Variants in TNNI3K observed in about 807,000 individuals in gnomAD.
TNNI3K encodes the protein serine/threonine-protein kinase TNNI3K.
Under a neutral mutation model 114.5 loss-of-function variants are expected in TNNI3K, and 140 were observed. The observed-to-expected ratio is 1.22, with a 90% CI of 1.07 to 1.41. The LOEUF (loss-of-function observed/expected upper bound fraction) is 1.41, where lower values mean the gene tolerates loss of function less well. Among genes scored for constraint, TNNI3K ranks in the 40% most tolerant of loss-of-function variants. TNNI3K has a pLI of 0.00. For synonymous variants in TNNI3K, 347 were observed against 347.5 expected, an observed-to-expected ratio of 1.00 and a Z score of 0.02; for missense variants, 1,125 against 1,007.6, an observed-to-expected ratio of 1.12 and a Z score of -1.58.
chr1:74,480,989 A>T (rs746950236), intron 21 of TNNI3K: 1 of 693,932 alleles, frequency 1.4e-6, no homozygotes, highest in South Asian at 1.6e-5. Flanking sequence ...AAAAGCACAG[A>T]CTAGATGCAG....
At chr1:74,348,345 C>T (rs1326556536) in intron 9 of TNNI3K, among the ~76,000 whole-genome samples, 2 of 152,136 alleles carry the variant, frequency 1.3e-5, no homozygotes, top group Non-Finnish European at 2.9e-5. Context: ...CTGTTCTGTT[C>T]CATTGGTCTA....
rs567636201 is a variant in TNNI3K at position 74,540,160 on chromosome 1, G to GA, written c.2352-69dup. On this transcript the variant is annotated intron_variant, in intron 23 of 24. Transcript: ENST00000326637. ...ATTTCTCTGGGATCTATGTTGAGTG[G>GA]AAAAATTCTGTGTTTATAAAAATGT... 1.5e-3 allele frequency: 2,361 copies of GA among 1,526,324 alleles called. 27 individuals carry two copies. The highest frequency in any genetic ancestry group is 3.4e-4 in the South Asian group (28 of 82,010). The allele number at this position is 1,526,324 out of a possible 1,614,324, so 94.5% of individuals were successfully genotyped here.
chr1:74,250,133 T>C (rs1318283711), intron 3 of TNNI3K, among the ~76,000 whole-genome samples: 4 of 152,206 alleles, frequency 2.6e-5, no homozygotes, highest in Non-Finnish European at 5.9e-5. Context: ...TCATTGAGCT[T>C]AACTTCTTAA....
At chr1:74,281,247 T>A (rs1470891023) in intron 5 of TNNI3K, among the ~76,000 whole-genome samples, 1 of 151,966 alleles carries the variant, frequency 6.6e-6, no homozygotes, top group African/African-American at 2.4e-5. Flanking sequence ...CCCAGCGCAG[T>A]CTCAGCTATA....
intron 20 of TNNI3K, among the ~76,000 whole-genome samples, chr1:74,443,015 C>T (rs538693111): frequency 1.3e-5 from 2 of 151,842 alleles, no homozygotes; most frequent in African/African-American, 2.4e-5. Flanking sequence ...GCTAAAGCAG[C>T]GTTGAGATAA....
At chr1:74,527,019 G>C (rs868118510) in intron 23 of TNNI3K, among the ~76,000 whole-genome samples, 24 of 152,326 alleles carry the variant, frequency 1.6e-4, no homozygotes, top group African/African-American at 5.8e-4. Flanking sequence ...GTCCTTTACA[G>C]GAAAAGTTTG....
chr1:74,495,023 T>A (rs1296581296), intron 23 of TNNI3K, among the ~76,000 whole-genome samples: 1 of 152,226 alleles, frequency 6.6e-6, no homozygotes, highest in African/African-American at 2.4e-5. Flanking sequence ...TGTATACCAC[T>A]ACTAATTTTT....
At chr1:74,481,025 G>A (rs377374979) in intron 21 of TNNI3K, 61 of 648,928 alleles carry the variant, frequency 9.4e-5, no homozygotes, top group East Asian at 7.4e-4. Flanking sequence ...GAGGGAGGGG[G>A]TATGGTGGAG....
chr1:74,435,350 T>G (rs1431203680), intron 17 of TNNI3K, among the ~76,000 whole-genome samples: 1 of 152,084 alleles, frequency 6.6e-6, no homozygotes, highest in Non-Finnish European at 1.5e-5. Flanking sequence ...ATGTGACATA[T>G]GTATACATTG....
At chr1:74,434,206 T>A (rs1242566669) in intron 17 of TNNI3K, among the ~76,000 whole-genome samples, 1 of 152,062 alleles carries the variant, frequency 6.6e-6, no homozygotes, top group Non-Finnish European at 1.5e-5. Context: ...AATTTCAAAT[T>A]CCCTAGCAAT....
intron 7 of TNNI3K, among the ~76,000 whole-genome samples, chr1:74,342,522 C>T (rs1475762032): frequency 6.6e-6 from 1 of 152,028 alleles, no homozygotes; most frequent in East Asian, 1.9e-4. Flanking sequence ...GAAATGTGAT[C>T]CTTGTAGAAA....
Position 74,268,482 on chromosome 1 carries a change from C to A in TNNI3K, c.334-3116C>A, listed in dbSNP as rs200159393. 2.3e-4 allele frequency among the ~76,000 whole-genome samples: 35 copies of A among 151,802 alleles called. No homozygotes were observed. In the East Asian group the frequency reaches 6.2e-3, roughly 27 times the overall value. On this transcript the variant is annotated intron_variant, in intron 4 of 24. Coordinates refer to ENST00000326637, the MANE Select transcript of TNNI3K (RefSeq NM_015978.3). The stretch of plus-strand genomic sequence containing the variant: ...TACAGCCTTTTTCCATGTTTTATTC[C>A]TTTGTTTGTTGCAGTGCCTAACTCG...
intron 23 of TNNI3K, among the ~76,000 whole-genome samples, chr1:74,522,670 G>GAGAGAGAGAGAAAT (rs1646450396): frequency 1.3e-5 from 2 of 152,054 alleles, no homozygotes; most frequent in African/African-American, 4.8e-5. Context: ...GAGAGAGAAA[G>GAGAGAGAGAGAAAT]AGAAAGAGAG....
chr1:74,477,121 G>A (rs1375859666), intron 21 of TNNI3K, among the ~76,000 whole-genome samples: 1 of 152,076 alleles, frequency 6.6e-6, no homozygotes, highest in African/African-American at 2.4e-5. Flanking sequence ...AGATTCTAGA[G>A]TTTGAATTAT....
intron 4 of TNNI3K, among the ~76,000 whole-genome samples, chr1:74,266,845 A>G (rs1656024697): frequency 6.6e-6 from 1 of 151,956 alleles, no homozygotes; most frequent in Admixed American, 6.6e-5. Flanking sequence ...AAATATTTTT[A>G]TCCATTTACA....
chr1:74,516,202 C>T (rs1452300800), intron 23 of TNNI3K, among the ~76,000 whole-genome samples: 1 of 152,124 alleles, frequency 6.6e-6, no homozygotes, highest in Non-Finnish European at 1.5e-5. Context: ...TCTGAAATTT[C>T]CCATTAGCCA....
chr1:74,520,063 T>C (rs895645172), intron 23 of TNNI3K, among the ~76,000 whole-genome samples: 1 of 152,262 alleles, frequency 6.6e-6, no homozygotes, highest in South Asian at 2.1e-4. Context: ...ATGAGTAAGT[T>C]CTTTAATGGT....
intron 4 of TNNI3K, among the ~76,000 whole-genome samples, chr1:74,271,287 C>A (rs1382233597): frequency 6.6e-6 from 1 of 151,826 alleles, no homozygotes; most frequent in Non-Finnish European, 1.5e-5. Context: ...AAAGCATATT[C>A]ATTGGAGTAA....
intron 5 of TNNI3K, among the ~76,000 whole-genome samples, chr1:74,314,366 CA>C (rs1659177163): frequency 6.6e-6 from 1 of 151,836 alleles, no homozygotes; most frequent in Non-Finnish European, 1.5e-5. Flanking sequence ...TTTTCTTTAA[CA>C]AAGAACATTT....
Sources: allele counts gnomAD v4.1 joint callset (sites outside exome capture counted in the v4.1 genomes callset), GRCh38; gene constraint gnomAD v4.1.1; transcripts MANE v1.5; gene names NCBI Gene and HGNC (gene_info 2026-07-23, HGNC 2026-07-21).